Variants in SKAP1 observed in about 807,000 individuals in gnomAD.
The protein encoded by SKAP1 is src kinase-associated phosphoprotein 1.
Under a neutral mutation model 58.5 loss-of-function variants are expected in SKAP1, and 44 were observed. The ratio of observed to expected loss-of-function variants is 0.75; its 90% CI spans 0.59 to 0.97. The LOEUF (loss-of-function observed/expected upper bound fraction) is 0.97, where lower values mean the gene tolerates loss of function less well. Ranked by LOEUF, SKAP1 falls within the 50% of genes least tolerant of loss-of-function variation. SKAP1 has a pLI of 0.00. For synonymous variants in SKAP1, 127 were observed against 149.7 expected, an observed-to-expected ratio of 0.85 and a Z score of 1.11; for missense variants, 390 against 435.2, an observed-to-expected ratio of 0.90 and a Z score of 0.92.
At chr17:48,189,336 G>A (rs1210659177) in intron 5 of SKAP1, 87 bp downstream of exon 5, 1 of 1,068,074 alleles carries the variant, frequency 9.4e-7, no homozygotes, top group Non-Finnish European at 1.4e-6. Flanking sequence ...ACCGGGCACA[G>A]AGAAGGCATC....
At chr17:48,285,472 G>A (rs536196913) in intron 4 of SKAP1, among the ~76,000 whole-genome samples, 20 of 152,180 alleles carry the variant, frequency 1.3e-4, no homozygotes, top group South Asian at 1.0e-3. Flanking sequence ...AAAATTAGCC[G>A]GGCATGATGG....
At chr17:48,230,503 CT>C (rs1454438582) in intron 4 of SKAP1, among the ~76,000 whole-genome samples, 45 of 152,264 alleles carry the variant, frequency 3.0e-4, no homozygotes. Context: ...ACTTGTAATC[CT>C]AGCACTTTAG....
intron 7 of SKAP1, 139 bp from the exon 8 acceptor site, chr17:48,182,596 G>A: frequency 1.6e-6 from 1 of 611,182 alleles, no homozygotes; most frequent in East Asian, 2.9e-5. Flanking sequence ...TTAACATATA[G>A]AAAAAAGACC....
Position 48,170,998 on chromosome 17 carries a change from C to T in SKAP1, c.827-339G>A, listed in dbSNP as rs983498359. ...TTGGGATTACAGGTGTGAGCTACTG[C>T]GTCCAGCCAGTCAGTCTCATGTTCC... is the stretch of plus-strand genomic sequence containing the variant. On this transcript the variant is annotated intron_variant, in intron 9 of 12. Coordinates refer to ENST00000336915, the MANE Select transcript of SKAP1 (RefSeq NM_003726.4). Among the ~76,000 whole-genome samples, 47 of 151,004 alleles carry T rather than the reference C, an allele frequency of 3.1e-4. 3 individuals carry two copies. Among genetic ancestry groups the T allele is most frequent in the Admixed American group, 2.9e-3 (44 of 15,158 alleles).
At chr17:48,424,467 C>T (rs1411435241) in intron 1 of SKAP1, among the ~76,000 whole-genome samples, 3 of 151,160 alleles carry the variant, frequency 2.0e-5, no homozygotes, top group Admixed American at 6.6e-5. Flanking sequence ...CCTTGTGATC[C>T]GCCCACCTCA....
intron 11 of SKAP1, among the ~76,000 whole-genome samples, chr17:48,155,856 A>G (rs1395484805): frequency 6.6e-6 from 1 of 152,204 alleles, no homozygotes; most frequent in East Asian, 1.9e-4. Flanking sequence ...CCGTCTCAAG[A>G]AAAACAGAAA....
chr17:48,427,869 C>G (rs891214240), intron 1 of SKAP1, among the ~76,000 whole-genome samples: 1 of 151,950 alleles, frequency 6.6e-6, no homozygotes, highest in Non-Finnish European at 1.5e-5. Flanking sequence ...ATATAGAGAT[C>G]AGGACCTCCA....
intron 4 of SKAP1, among the ~76,000 whole-genome samples, chr17:48,325,399 C>T (rs971899823): frequency 1.3e-5 from 2 of 151,906 alleles, no homozygotes; most frequent in Non-Finnish European, 2.9e-5. Context: ...ATTTTTGGTG[C>T]TTACTACTCT....
intron 4 of SKAP1, among the ~76,000 whole-genome samples, chr17:48,311,990 A>C (rs1158352965): frequency 6.6e-6 from 1 of 152,222 alleles, no homozygotes; most frequent in African/African-American, 2.4e-5. Flanking sequence ...TATGGCAAGA[A>C]TCTATTTCTA....
At chr17:48,231,313 C>G (rs201599850) in intron 4 of SKAP1, among the ~76,000 whole-genome samples, 1 of 152,226 alleles carries the variant, frequency 6.6e-6, no homozygotes, top group East Asian at 1.9e-4. Flanking sequence ...AAGGGTCTCT[C>G]AGACCAGTAA....
At chr17:48,287,114 T>C (rs2065840570) in intron 4 of SKAP1, among the ~76,000 whole-genome samples, 1 of 150,888 alleles carries the variant, frequency 6.6e-6, no homozygotes, top group South Asian at 2.1e-4. Context: ...AATAAATAAA[T>C]AAATAAATAA....
At chr17:48,190,612 C>T (rs1228484739) in intron 4 of SKAP1, among the ~76,000 whole-genome samples, 1 of 152,098 alleles carries the variant, frequency 6.6e-6, no homozygotes, top group East Asian at 1.9e-4. Flanking sequence ...TCTCTGTGAA[C>T]ATAAATTTTT....
intron 2 of SKAP1, among the ~76,000 whole-genome samples, chr17:48,384,337 A>G (rs1253655003): frequency 6.6e-6 from 1 of 152,184 alleles, no homozygotes; most frequent in Non-Finnish European, 1.5e-5. Context: ...GGTGAGCAGA[A>G]TGTAAGATAA....
At chr17:48,177,990 A>G (rs1259856734) in intron 9 of SKAP1, among the ~76,000 whole-genome samples, 1 of 152,102 alleles carries the variant, frequency 6.6e-6, no homozygotes, top group Non-Finnish European at 1.5e-5. Context: ...AAATGTACCT[A>G]CAGATGAGTC....
chr17:48,259,985 A>C (rs2143924663), intron 4 of SKAP1, among the ~76,000 whole-genome samples: 1 of 152,290 alleles, frequency 6.6e-6, no homozygotes, highest in South Asian at 2.1e-4. Flanking sequence ...TACTAAAATA[A>C]ATAATTTCCT....
At chr17:48,204,958 C>A (rs955501632) in intron 4 of SKAP1, among the ~76,000 whole-genome samples, 6 of 120,718 alleles carry the variant, frequency 5.0e-5, no homozygotes, top group Non-Finnish European at 6.9e-5. Flanking sequence ...CCTCCTTCCT[C>A]TTTCTTTTCT....
chr17:48,231,059 G>T (rs914458226), intron 4 of SKAP1, among the ~76,000 whole-genome samples: 2 of 152,186 alleles, frequency 1.3e-5, no homozygotes, highest in African/African-American at 4.8e-5. Context: ...GATGCAGGCA[G>T]TGTTTACATC....
At chr17:48,240,424 A>T (rs201907283) in intron 4 of SKAP1, among the ~76,000 whole-genome samples, 1 of 4,984 alleles carries the variant, frequency 2.0e-4, no homozygotes, top group Non-Finnish European at 4.1e-4. Context: ...ATAAAAAAAT[A>T]AAAAAAAGCA....
chr17:48,406,279 C>CAA (rs201309622), intron 1 of SKAP1, among the ~76,000 whole-genome samples: 3 of 146,896 alleles, frequency 2.0e-5, no homozygotes, highest in Admixed American at 6.8e-5. Flanking sequence ...AACAAACAAA[C>CAA]AAAAAAACAA....
Sources: allele counts gnomAD v4.1 joint callset (sites outside exome capture counted in the v4.1 genomes callset), GRCh38; gene constraint gnomAD v4.1.1; transcripts MANE v1.5; gene names NCBI Gene and HGNC (gene_info 2026-07-23, HGNC 2026-07-21).